Variants in EML1 observed in about 807,000 individuals in gnomAD.
EML1 encodes the protein echinoderm microtubule-associated protein-like 1.
EML1 carries 27 observed loss-of-function variants against 110.4 expected under a neutral mutation model. The ratio of observed to expected loss-of-function variants is 0.24; its 90% CI spans 0.18 to 0.34. The LOEUF (loss-of-function observed/expected upper bound fraction) is 0.34, where lower values mean the gene tolerates loss of function less well. EML1 is among the 10% of genes least tolerant of loss of function. The pLI, the probability that EML1 is intolerant of heterozygous loss-of-function variation, is 1.00. For synonymous variants in EML1, 344 were observed against 385.8 expected, an observed-to-expected ratio of 0.89 and a Z score of 1.27; for missense variants, 741 against 1,030.9, an observed-to-expected ratio of 0.72 and a Z score of 3.85.
At chr14:99,821,226 C>T (rs1449279725) in intron 1 of EML1, among the ~76,000 whole-genome samples, 1 of 152,040 alleles carries the variant, frequency 6.6e-6, no homozygotes, top group Non-Finnish European at 1.5e-5. Flanking sequence ...ACTTGGTTGC[C>T]CAAGCTGGTC....
At chr14:99,882,103 G>A (rs1220964996) in intron 4 of EML1, among the ~76,000 whole-genome samples, 2 of 152,036 alleles carry the variant, frequency 1.3e-5, no homozygotes, top group African/African-American at 4.8e-5. Flanking sequence ...AAAAACAAAA[G>A]CAATATATGG....
intron 2 of EML1, among the ~76,000 whole-genome samples, chr14:99,860,588 G>A (rs2058986806): frequency 6.6e-6 from 1 of 152,098 alleles, no homozygotes; most frequent in South Asian, 2.1e-4. Flanking sequence ...TTTATACATG[G>A]TAATGTGAAA....
At chr14:99,800,868 G>T (rs561260103) in intron 1 of EML1, among the ~76,000 whole-genome samples, 11 of 152,326 alleles carry the variant, frequency 7.2e-5, no homozygotes, top group Non-Finnish European at 1.3e-4. Context: ...ACAGTGTAGG[G>T]GCAGGTTCGA....
At chr14:99,748,367 C>T (rs1595232540) in intron 1 of EML1, among the ~76,000 whole-genome samples, 1 of 151,974 alleles carries the variant, frequency 6.6e-6, no homozygotes. Context: ...GAGGGGCCAG[C>T]GATGCTCAAG....
rs529784519 is a variant in EML1, at chr14:99,818,521, A to G, written c.67+24978A>G. Among the ~76,000 whole-genome samples the G allele has an allele frequency of 2.6e-5, 4 of 152,330 alleles. No individual in the cohort carries two copies. The East Asian group carries it at 5.8e-4, about 22-fold the overall frequency. On this transcript the variant is annotated intron_variant, in intron 1 of 21. Coordinates refer to ENST00000262233, the MANE Select transcript of EML1 (RefSeq NM_004434.3). ...TTGATGGCTGCACGGTGGTGCTTTC[A>G]TAGAGGTGAGGGGTGTGGGAAGAGG... is the stretch of plus-strand genomic sequence containing the variant.
upstream of EML1, among the ~76,000 whole-genome samples, chr14:99,792,443 T>G (rs542043380): frequency 2.6e-5 from 4 of 152,336 alleles, no homozygotes; most frequent in South Asian, 8.3e-4. Flanking sequence ...TGGCGCATCT[T>G]TACTTACTTT....
chr14:99,919,733 A>G (rs1006021600), intron 16 of EML1, among the ~76,000 whole-genome samples: 1 of 152,198 alleles, frequency 6.6e-6, no homozygotes, highest in Non-Finnish European at 1.5e-5. Flanking sequence ...GTCACTTCAA[A>G]GCCATGTTCT....
intron 1 of EML1, among the ~76,000 whole-genome samples, chr14:99,753,423 C>A (rs1241435238): frequency 6.6e-6 from 1 of 151,916 alleles, no homozygotes; most frequent in South Asian, 2.1e-4. Flanking sequence ...GACCCGCCCT[C>A]ACCTCCACAG....
upstream of EML1, among the ~76,000 whole-genome samples, chr14:99,769,091 T>C (rs2057396314): frequency 6.6e-6 from 1 of 152,120 alleles, no homozygotes; most frequent in East Asian, 1.9e-4. Flanking sequence ...GTGGTTTCGA[T>C]GTGGGTTTGA....
rs568836764 is a variant in EML1, at chr14:99,853,492, C to A, written c.250+2457C>A. On this transcript the variant is annotated intron_variant, in intron 2 of 21. Coordinates refer to ENST00000262233, the MANE Select transcript of EML1 (RefSeq NM_004434.3). ...ACGTGGGCACTTGGGAACTGGTGCC[C>A]ACACCTCTGTCTGTCTTTAGAGCTG... 4.3e-4 allele frequency among the ~76,000 whole-genome samples: 65 copies of A among 152,014 alleles called. No homozygotes were observed. In the South Asian group the frequency reaches 5.2e-3, roughly 12 times the overall value.
At chr14:99,831,146 A>G (rs2058443481) in intron 1 of EML1, among the ~76,000 whole-genome samples, 1 of 152,222 alleles carries the variant, frequency 6.6e-6, no homozygotes, top group African/African-American at 2.4e-5. Context: ...CGTTATGTGA[A>G]TGCTCTTTAA....
chr14:99,753,451 T>C (rs1051974564), intron 1 of EML1, among the ~76,000 whole-genome samples: 7 of 151,714 alleles, frequency 4.6e-5, no homozygotes, highest in Admixed American at 6.6e-5. Context: ...AGATGGATTC[T>C]CCACACACTG....
chr14:99,737,951 C>T, intron 1 of EML1: 2 of 1,232,188 alleles, frequency 1.6e-6, no homozygotes, highest in Non-Finnish European at 2.1e-6. Context: ...CCGCAGGCTG[C>T]AGGCAGCTGT....
chr14:99,937,779 C>T (rs2060502096), intron 19 of EML1, 38 bp from the exon 20 acceptor site: 1 of 1,597,878 alleles, frequency 6.3e-7, no homozygotes, highest in South Asian at 1.1e-5. Context: ...GGGGTGGGGC[C>T]TTGGCTTAGA....
At position 99,910,344 on chromosome 14, in the gene EML1, A is replaced by G. The variant is rs765926215; in HGVS notation, c.1339+3A>G. On this transcript the variant is annotated splice_donor_region_variant and intron_variant, in intron 12 of 21. Coordinates refer to ENST00000262233, the MANE Select transcript of EML1 (RefSeq NM_004434.3). ...CAACATCTTAGTATGGGGAAAAGGT[A>G]ATAAGTGATTGTTCCCAAAACCAAT... 1.2e-6 allele frequency: 2 copies of G among 1,605,428 alleles called. No homozygotes were observed. The highest frequency in any genetic ancestry group is 8.5e-7 in the Non-Finnish European group (1 of 1,175,558).
At chr14:99,833,805 A>G (rs998414263) in intron 1 of EML1, among the ~76,000 whole-genome samples, 1 of 152,238 alleles carries the variant, frequency 6.6e-6, no homozygotes, top group Non-Finnish European at 1.5e-5. Flanking sequence ...GCAAGTATAT[A>G]GAAATACAAT....
At chr14:99,872,979 T>G (rs1595411422) in intron 3 of EML1, among the ~76,000 whole-genome samples, 1 of 152,220 alleles carries the variant, frequency 6.6e-6, no homozygotes, top group East Asian at 1.9e-4. Context: ...TTGTGCTTTG[T>G]GTTGCCAATT....
intron 1 of EML1, among the ~76,000 whole-genome samples, chr14:99,760,844 G>A (rs150114711): frequency 2.8e-4 from 43 of 152,078 alleles, no homozygotes; most frequent in Non-Finnish European, 2.4e-4. Context: ...ACCAGTACAC[G>A]CAAAGCTGGG....
At chr14:99,900,306 G>T (rs2059742170) in intron 8 of EML1, among the ~76,000 whole-genome samples, 1 of 149,714 alleles carries the variant, frequency 6.7e-6, no homozygotes, top group Non-Finnish European at 1.5e-5. Context: ...TCCTGCCTCA[G>T]CCTCCCAAGT....
Sources: gnomAD v4.1 joint callset for allele counts (sites outside exome capture counted in the v4.1 genomes callset) on GRCh38, gnomAD v4.1.1 for gene constraint, MANE v1.5 for transcripts, NCBI Gene and HGNC (gene_info 2026-07-23, HGNC 2026-07-21) for gene names.